MSN: variants seen among roughly 807,000 people sequenced by gnomAD.
MSN encodes epididymis luminal protein 70.
MSN carries 2 observed loss-of-function variants against 48.0 expected under a neutral mutation model. The observed-to-expected ratio is 0.04, with a 90% CI of 0.02 to 0.13. The LOEUF (loss-of-function observed/expected upper bound fraction) is 0.13, where lower values mean the gene tolerates loss of function less well. Ranked by LOEUF, MSN falls within the 10% of genes least tolerant of loss-of-function variation. The pLI is 1.00. For synonymous variants in MSN, 146 were observed against 166.9 expected (o/e 0.87, Z 0.97); for missense variants, 267 against 470.1 (o/e 0.57, Z 3.99).
intron 1 of MSN, chrX:65,589,503 G>A (rs1355934852): frequency 8.9e-6 from 1 of 112,333 alleles, no homozygotes; most frequent in Non-Finnish European, 1.9e-5. Flanking sequence ...GGAGGAAAAG[G>A]CACTCCAGCT....
intron 3 of MSN, among the ~76,000 whole-genome samples, chrX:65,728,467 G>A (rs2071590319): frequency 3.6e-5 from 4 of 110,060 alleles, no homozygotes; most frequent in South Asian, 7.8e-4. Context: ...CTAATTTTTT[G>A]TATTTTTAGT....
intron 1 of MSN, among the ~76,000 whole-genome samples, chrX:65,702,302 C>T (rs942464695): frequency 2.8e-5 from 3 of 107,418 alleles, no homozygotes; most frequent in Non-Finnish European, 5.8e-5. Context: ...CGTGAGCCAC[C>T]GCACCCGGCC....
In MSN at chrX:65,741,028, TC is replaced by T. The variant is rs750029393; in HGVS notation, c.*1137del. The T allele has an allele frequency of 1.9e-3, 323 of 167,122 alleles. No individual in the cohort carries two copies. Among genetic ancestry groups the T allele is most frequent in the Middle Eastern group, 3.9e-3 (2 of 516 alleles). 13.8% of individuals were successfully genotyped at this position (167,122 alleles called of 1,213,427 possible). A position where few individuals can be genotyped will look rare whatever the true frequency, so the allele number is the denominator to read the frequency against. On this transcript the variant is annotated 3_prime_UTR_variant, in exon 13 of 13. Coordinates refer to ENST00000360270, the MANE Select transcript of MSN (RefSeq NM_002444.3). ...ATGGTGAGAGAAGCCTGTGCCCTGA[TC>T]CAAGTTTACTCAACCCTCTCAGGTG...
At chrX:65,704,701 G>A (rs2147488227) in intron 1 of MSN, among the ~76,000 whole-genome samples, 1 of 108,982 alleles carries the variant, frequency 9.2e-6, no homozygotes, top group South Asian at 4.0e-4. Flanking sequence ...TATGCTTGAA[G>A]TATCTACTGT....
chrX:65,678,166 A>C (rs2071020506), intron 1 of MSN, among the ~76,000 whole-genome samples: 1 of 111,388 alleles, frequency 9.0e-6, no homozygotes, highest in Admixed American at 9.6e-5. Context: ...TCCCCCCTCA[A>C]GTTACTCCCT....
intron 1 of MSN, among the ~76,000 whole-genome samples, chrX:65,651,561 T>TTTATTA (rs35256397): frequency 0.012 from 1,118 of 94,489 alleles, 17 homozygotes; most frequent in Middle Eastern, 0.037. Context: ...AGAAGTAATA[T>TTTATTA]TTATTATTAT....
chrX:65,630,170 C>T (rs752624717), intron 1 of MSN, among the ~76,000 whole-genome samples: 94 of 108,264 alleles, frequency 8.7e-4, no homozygotes, highest in Middle Eastern at 9.3e-3. Flanking sequence ...CAGAGCGAGC[C>T]TTTGACTCAA....
intron 1 of MSN, among the ~76,000 whole-genome samples, chrX:65,691,574 G>A (rs755359709): frequency 3.6e-5 from 4 of 110,894 alleles, no homozygotes; most frequent in Admixed American, 9.6e-5. Context: ...GTGCAATCTC[G>A]ACTTACTGCA....
chrX:65,654,018 C>T (rs1044114658), intron 1 of MSN, among the ~76,000 whole-genome samples: 7 of 109,580 alleles, frequency 6.4e-5, no homozygotes, highest in South Asian at 3.9e-4. Flanking sequence ...TCAGGTGATC[C>T]GCCTGCCTCG....
At chrX:65,617,865 C>G (rs942490059) in intron 1 of MSN, among the ~76,000 whole-genome samples, 23 of 110,343 alleles carry the variant, frequency 2.1e-4, no homozygotes, top group Admixed American at 6.8e-4. Context: ...TTTCCCTCTA[C>G]AGACTGCTTT....
At chrX:65,662,531 A>G (rs1280201085) in intron 1 of MSN, among the ~76,000 whole-genome samples, 2 of 112,388 alleles carry the variant, frequency 1.8e-5, no homozygotes, top group Non-Finnish European at 3.7e-5. Flanking sequence ...AAAACAAACA[A>G]TAGGAAAGAA....
chrX:65,646,465 A>G (rs1256115417), intron 1 of MSN, among the ~76,000 whole-genome samples: 1 of 111,421 alleles, frequency 9.0e-6, no homozygotes, highest in Non-Finnish European at 1.9e-5. Flanking sequence ...CATCCTCATT[A>G]TTTTTTGCCT....
intron 1 of MSN, among the ~76,000 whole-genome samples, chrX:65,660,990 G>A (rs1336719628): frequency 1.8e-5 from 2 of 110,034 alleles, no homozygotes; most frequent in African/African-American, 6.6e-5. Context: ...TTGAGATGGA[G>A]TCTTCCTCTG....
chrX:65,731,412 T>G (rs1371107024), intron 5 of MSN, among the ~76,000 whole-genome samples: 2 of 112,126 alleles, frequency 1.8e-5, no homozygotes, highest in African/African-American at 6.5e-5. Context: ...CAGTTTTGAC[T>G]ATCAAGAAAT....
At chrX:65,733,866 C>T (rs972197782) in intron 7 of MSN, among the ~76,000 whole-genome samples, 1 of 111,711 alleles carries the variant, frequency 9.0e-6, no homozygotes, top group Non-Finnish European at 1.9e-5. Flanking sequence ...GTTGGCCGGG[C>T]TGGTCTTGAA....
At chrX:65,599,025 G>A (rs1161720544) in intron 1 of MSN, among the ~76,000 whole-genome samples, 4 of 111,443 alleles carry the variant, frequency 3.6e-5, no homozygotes, top group East Asian at 2.8e-4. Context: ...GCTGGCTCAC[G>A]CCGGTAATCC....
chrX:65,733,917 G>T (rs141620624), intron 7 of MSN, among the ~76,000 whole-genome samples: 3,314 of 111,434 alleles, frequency 0.03, 121 homozygotes, highest in African/African-American at 0.1. Flanking sequence ...GCCTCCCAAA[G>T]TGCTGGGATT....
chrX:65,638,477 G>A (rs1419900724), intron 1 of MSN, among the ~76,000 whole-genome samples: 2 of 112,824 alleles, frequency 1.8e-5, no homozygotes, highest in African/African-American at 3.2e-5. Context: ...ATTGATGGTG[G>A]CATCTGCGGT....
At chrX:65,737,440 A>T in intron 10 of MSN, 102 bp downstream of exon 10, 1 of 938,535 alleles carries the variant, frequency 1.1e-6, no homozygotes, top group East Asian at 3.3e-5. Context: ...TTTTTAGAGC[A>T]GGCTACCACT....
Sources: gnomAD v4.1 joint callset for allele counts (sites outside exome capture counted in the v4.1 genomes callset) on GRCh38, gnomAD v4.1.1 for gene constraint, MANE v1.5 for transcripts, NCBI Gene and HGNC (gene_info 2026-07-23, HGNC 2026-07-21) for gene names.